The following INHBA variants were observed in gnomAD, a reference collection of about 807,000 sequenced individuals.
INHBA encodes inhibin beta A chain.
A neutral mutation model predicts 29.0 loss-of-function variants in INHBA; 1 was observed. That is an observed-to-expected ratio of 0.03 (90% CI 0.01 to 0.16). The LOEUF (loss-of-function observed/expected upper bound fraction) is 0.16. Ranked by LOEUF, INHBA falls within the 10% of genes least tolerant of loss-of-function variation. The pLI is 1.00. For missense variants in INHBA, 376 were observed against 545.4 expected, an observed-to-expected ratio of 0.69 and a Z score of 3.09; for synonymous variants, 242 against 216.8, an observed-to-expected ratio of 1.12 and a Z score of -1.02.
chr7:41,696,462 C>T (rs554923487), intron 2 of INHBA, among the ~76,000 whole-genome samples: 1 of 152,278 alleles, frequency 6.6e-6, no homozygotes, highest in Non-Finnish European at 1.5e-5. Flanking sequence ...ATGCTTCTCC[C>T]ATCTCATAAA....
At position 41,687,544 on chromosome 7, in the gene INHBA, A is replaced by G. The variant is rs1321498867; in HGVS notation, c.*2106T>C. On this transcript the variant is annotated 3_prime_UTR_variant, in exon 3 of 3. Coordinates refer to ENST00000242208, the MANE Select transcript of INHBA (RefSeq NM_002192.4). ...TTAAGCATGTACTTTGATATTTATAAAACAAAGGTGTTTTTTTTTCATTTC... is the reference window on the plus strand; with the variant it reads ...TTAAGCATGTACTTTGATATTTATAGAACAAAGGTGTTTTTTTTTCATTTC... 4 of 152,184 alleles carry G rather than the reference A, an allele frequency of 2.6e-5. No homozygotes were observed. The highest frequency in any genetic ancestry group is 5.9e-5 in the Non-Finnish European group (4 of 68,040). The allele number at this position is 152,184 out of a possible 1,614,324, so 9.4% of individuals were successfully genotyped here.
At chr7:41,703,455 C>T (rs1420226917), upstream of INHBA, among the ~76,000 whole-genome samples, 2 of 152,236 alleles carry the variant, frequency 1.3e-5, no homozygotes, top group East Asian at 1.9e-4. Flanking sequence ...ACATCTGTTA[C>T]TTCATGAAGT....
intron 2 of INHBA, chr7:41,692,595 G>A (rs575481610): frequency 6.6e-6 from 1 of 152,484 alleles, no homozygotes; most frequent in African/African-American, 2.4e-5. Context: ...CGAGGATGCT[G>A]GCCATGATGA....
chr7:41,702,316 C>T (rs955442690), intron 1 of INHBA, among the ~76,000 whole-genome samples: 1 of 152,176 alleles, frequency 6.6e-6, no homozygotes, highest in Admixed American at 6.5e-5. Context: ...ATACTGTCCC[C>T]TTTTCCAAAA....
At position 41,700,480 on chromosome 7, in the gene INHBA, TGGTG is replaced by T. The variant is rs148356474; in HGVS notation, c.-110_-107del. The T allele has an allele frequency of 1.2e-5, 14 of 1,143,692 alleles. No homozygotes were observed. The highest frequency in any genetic ancestry group is 2.6e-5 in the East Asian group (1 of 38,786). The allele number at this position is 1,143,692 out of a possible 1,614,324, so 70.8% of individuals were successfully genotyped here. A position where few individuals can be genotyped will look rare whatever the true frequency, so the allele number is the denominator to read the frequency against. ...GTGTGGATTTTTTTATTTTTTTTTT[TGGTG>T]TTTTTTTTTTCCTTCTCCTCTTCAG... On this transcript the variant is annotated 5_prime_UTR_variant, in exon 2 of 3. Transcript: ENST00000242208.
Position 41,697,590 on chromosome 7 carries a change from T to C in INHBA, c.388+2397A>G, listed in dbSNP as rs535682527. On this transcript the variant is annotated intron_variant, in intron 2 of 2. Coordinates refer to ENST00000242208, the MANE Select transcript of INHBA (RefSeq NM_002192.4). ...CTATGGGTCTGCATCTGTGGCATGC[T>C]CATGGGTGACAATGTCTGGATTCTA... Among the ~76,000 whole-genome samples, 127 of 152,300 alleles carry C rather than the reference T, an allele frequency of 8.3e-4. 2 individuals are homozygous for C. In the South Asian group the frequency reaches 0.022, roughly 26 times the overall value.
At chr7:41,701,482 A>G (rs562258932) in intron 1 of INHBA, among the ~76,000 whole-genome samples, 1 of 152,210 alleles carries the variant, frequency 6.6e-6, no homozygotes, top group South Asian at 2.1e-4. Context: ...GGGGTCATAT[A>G]ATACACTCCA....
upstream of INHBA, among the ~76,000 whole-genome samples, chr7:41,704,892 C>T (rs1465418029): frequency 2.0e-5 from 3 of 152,042 alleles, no homozygotes; most frequent in Admixed American, 2.0e-4. Flanking sequence ...AGCTCTCTGA[C>T]CAGAGGAGCC....
chr7:41,686,342 G>A lies in INHBA; in HGVS notation c.*3308C>T, dbSNP rs1401134056. The A allele has an allele frequency of 1.3e-5, 2 of 152,124 alleles. No homozygotes were observed. Among genetic ancestry groups the A allele is most frequent in the East Asian group, 1.9e-4 (1 of 5,194 alleles). The allele number at this position is 152,124 out of a possible 1,614,324, so 9.4% of individuals were successfully genotyped here. On this transcript the variant is annotated 3_prime_UTR_variant, in exon 3 of 3. Coordinates refer to ENST00000242208, the MANE Select transcript of INHBA (RefSeq NM_002192.4). ...AAGATTGGTGTGGGCAGATTTTTAA[G>A]AGCCTAGAGTTTAGTCTTAGAGAAA...
At chr7:41,693,721 T>G (rs1794572666) in intron 2 of INHBA, among the ~76,000 whole-genome samples, 1 of 152,230 alleles carries the variant, frequency 6.6e-6, no homozygotes, top group African/African-American at 2.4e-5. Context: ...ACTTTCATGC[T>G]GGTCTTGGCT....
At chr7:41,696,201 G>A (rs1038025042) in intron 2 of INHBA, among the ~76,000 whole-genome samples, 1 of 152,160 alleles carries the variant, frequency 6.6e-6, no homozygotes, top group African/African-American at 2.4e-5. Context: ...TGATAAGGCA[G>A]GAAAACTAGG....
upstream of INHBA, among the ~76,000 whole-genome samples, chr7:41,703,766 A>AACAC (rs3030167): frequency 0.011 from 1,652 of 148,080 alleles, 26 homozygotes; most frequent in South Asian, 0.052. Flanking sequence ...TAACTAACCA[A>AACAC]ACACACACAC....
At chr7:41,694,971 A>T (rs1794611082) in intron 2 of INHBA, among the ~76,000 whole-genome samples, 1 of 152,180 alleles carries the variant, frequency 6.6e-6, no homozygotes, top group African/African-American at 2.4e-5. Context: ...TGCTTTCAGA[A>T]TTTTAAAAAT....
upstream of INHBA, among the ~76,000 whole-genome samples, chr7:41,704,611 AGTGTGTGTGTGT>A (rs60031309): frequency 0.023 from 2,349 of 101,284 alleles, 40 homozygotes; most frequent in Middle Eastern, 0.047. Flanking sequence ...CACACAAAGT[AGTGTGTGTGTGT>A]GTGTGTGTGT....
At chr7:41,700,790 G>GAC (rs1562571352) in intron 1 of INHBA, among the ~76,000 whole-genome samples, 1 of 136,046 alleles carries the variant, frequency 7.4e-6, no homozygotes, top group East Asian at 2.4e-4. Context: ...AGAAGGGGGA[G>GAC]AGAGAGGGAG....
chr7:41,703,060 T>C lies in INHBA; in HGVS notation c.-199A>G, dbSNP rs73100934. ...CTCTTGTATCATGTGGTAAGAGCTG[T>C]CTGAGCTCCTCTTCATGGTATTGGC... is the stretch of plus-strand genomic sequence containing the variant. On this transcript the variant is annotated 5_prime_UTR_variant, in exon 1 of 3. Transcript: ENST00000242208. 8,428 of 152,338 alleles carry C rather than the reference T, an allele frequency of 0.055. 328 individuals are homozygous for C. Among genetic ancestry groups the C allele is most frequent in the Non-Finnish European group, 0.083 (5,619 of 68,042 alleles). 9.4% of individuals were successfully genotyped at this position (152,338 alleles called of 1,614,324 possible). A position where few individuals can be genotyped will look rare whatever the true frequency, so the allele number is the denominator to read the frequency against.
intron 2 of INHBA, chr7:41,692,247 C>T (rs1040365942): frequency 5.3e-5 from 8 of 152,114 alleles, no homozygotes; most frequent in African/African-American, 1.9e-4. Context: ...TACATGTATC[C>T]CATGCACAAA....
In INHBA at chr7:41,689,801, C is replaced by T; in HGVS notation, c.1130G>A (p.Arg377His). The stretch of plus-strand genomic sequence containing the variant: ...GGCAAAGGGGCTATGGCCCCGCATG[C>T]GGTAGTGGTTGATGACTGTTGAGTG... ...SFHSTVINHY[R>H]MRGHSPFANL... The change falls in exon 3 of 3, where the codon CGC (arginine) becomes CAC (histidine). Residue 377 changes from arginine to histidine, a missense_variant. Transcript: ENST00000242208. 1 of 1,614,092 alleles carries T rather than the reference C, an allele frequency of 6.2e-7. No homozygotes were observed. Among genetic ancestry groups the T allele is most frequent in the South Asian group, 1.1e-5 (1 of 91,076 alleles).
rs1385922609 is a variant in INHBA, at chr7:41,687,116, A to G, written c.*2534T>C. 1 of 152,228 alleles carries G rather than the reference A, an allele frequency of 6.6e-6. No individual in the cohort carries two copies. Among genetic ancestry groups the G allele is most frequent in the Non-Finnish European group, 1.5e-5 (1 of 68,040 alleles). The allele number at this position is 152,228 out of a possible 1,614,324, so 9.4% of individuals were successfully genotyped here. On this transcript the variant is annotated 3_prime_UTR_variant, in exon 3 of 3. Transcript: ENST00000242208. ...ATGCAGTGCGTATTGTATTTTCTGC[A>G]TAAGAAAGGGCTGCCTCTAGAACAC... is the stretch of plus-strand genomic sequence containing the variant.
Sources: gnomAD v4.1 joint callset for allele counts (sites outside exome capture counted in the v4.1 genomes callset) on GRCh38, gnomAD v4.1.1 for gene constraint, MANE v1.5 for transcripts, NCBI Gene and HGNC (gene_info 2026-07-23, HGNC 2026-07-21) for gene names.